Variants in OPA1 observed in about 807,000 individuals in gnomAD.
OPA1 encodes dynamin-like GTPase OPA1, mitochondrial.
Under a neutral mutation model 152.9 loss-of-function variants are expected in OPA1, and 59 were observed. The ratio of observed to expected loss-of-function variants is 0.39; its 90% confidence interval spans 0.31 to 0.48. The LOEUF (loss-of-function observed/expected upper bound fraction) is 0.48. Among genes scored for constraint, OPA1 ranks in the 20% least tolerant of loss-of-function variants. The pLI is 0.96. For synonymous variants in OPA1, 400 were observed against 389.9 expected (o/e 1.03, Z -0.31); for missense variants, 1,008 against 1,216.8 (o/e 0.83, Z 2.55).
Position 193,626,203 on chromosome 3 carries a change from G to A in OPA1, c.789+1G>A. ...GAGCTATGCCCAACAGAAGCGCAAG[G>A]TGATGGATGGTTTAAGGGGGCTACC... is the stretch of plus-strand genomic sequence containing the variant. On this transcript the variant is annotated splice_donor_variant, in intron 7 of 30. Transcript: ENST00000361510. LOFTEE classifies it high-confidence loss of function. 6.2e-7 allele frequency: 1 copy of A among 1,609,860 alleles called. No homozygotes were observed. The highest frequency in any genetic ancestry group is 1.1e-5 in the South Asian group (1 of 90,980).
At position 193,697,142 on chromosome 3, in the gene OPA1, T is replaced by A. The variant is rs1056207371; in HGVS notation, c.*2542T>A. 1 of 152,184 alleles carries A rather than the reference T, an allele frequency of 6.6e-6. No homozygotes were observed. Among genetic ancestry groups the A allele is most frequent in the East Asian group, 1.9e-4 (1 of 5,204 alleles). 9.4% of individuals were successfully genotyped at this position (152,184 alleles called of 1,614,324 possible). On this transcript the variant is annotated 3_prime_UTR_variant, in exon 31 of 31. Coordinates refer to ENST00000361510, the MANE Select transcript of OPA1 (RefSeq NM_130837.3). ...CATAGGATGAGAGTCAGAGTATAGG[T>A]TTAAAAGATAAAATCTTTAGTTAAT... is the stretch of plus-strand genomic sequence containing the variant.
chr3:193,602,522 G>C (rs1390413013), intron 1 of OPA1, among the ~76,000 whole-genome samples: 1 of 152,228 alleles, frequency 6.6e-6, no homozygotes, highest in Non-Finnish European at 1.5e-5. Flanking sequence ...GGAGAAGCAT[G>C]AGATGCTATT....
intron 21 of OPA1, among the ~76,000 whole-genome samples, chr3:193,651,060 T>G (rs1420031017): frequency 6.6e-6 from 1 of 152,008 alleles, no homozygotes; most frequent in East Asian, 1.9e-4. Context: ...GGTAGCTGTG[T>G]CCTGTGGCTT....
chr3:193,668,287 A>G lies in OPA1; in HGVS notation c.2983+1007A>G, dbSNP rs1440957271. ...GTCCTCCTATACGTAACCCAACTTGAATGAAGATATGTCCTTTTCCATTGC... is the reference window on the plus strand; with the variant it reads ...GTCCTCCTATACGTAACCCAACTTGGATGAAGATATGTCCTTTTCCATTGC... On this transcript the variant is annotated intron_variant, in intron 29 of 30. Coordinates refer to ENST00000361510, the MANE Select transcript of OPA1 (RefSeq NM_130837.3). The G allele has an allele frequency of 5.9e-6, 9 of 1,516,766 alleles. No individual in the cohort carries two copies. The East Asian group carries it at 1.5e-4, about 25-fold the overall frequency. 94.0% of individuals were successfully genotyped at this position (1,516,766 alleles called of 1,614,324 possible). A position where few individuals can be genotyped will look rare whatever the true frequency, so the allele number is the denominator to read the frequency against.
At position 193,643,503 on chromosome 3, in the gene OPA1, G is replaced by C. The variant is rs148392527; in HGVS notation, c.1378-25G>C. ...TCTTATTGTGTGAAGCATTTATAATGACATTTAAAACCTTTTTCTTTAAGA... is the reference window on the plus strand; with the variant it reads ...TCTTATTGTGTGAAGCATTTATAATCACATTTAAAACCTTTTTCTTTAAGA... On this transcript the variant is annotated intron_variant, in intron 14 of 30. Coordinates refer to ENST00000361510, the MANE Select transcript of OPA1 (RefSeq NM_130837.3). 593 of 1,609,028 alleles carry C rather than the reference G, an allele frequency of 3.7e-4. 4 individuals carry two copies. In the East Asian group the frequency reaches 0.012, roughly 32 times the overall value.
intron 25 of OPA1, among the ~76,000 whole-genome samples, chr3:193,660,804 G>T (rs1003623715): frequency 6.6e-6 from 1 of 152,060 alleles, no homozygotes; most frequent in African/African-American, 2.4e-5. Flanking sequence ...ATGTGTTCAG[G>T]GTGCGTTGGT....
At chr3:193,652,767 G>A (rs1712832755) in intron 21 of OPA1, among the ~76,000 whole-genome samples, 1 of 152,172 alleles carries the variant, frequency 6.6e-6, no homozygotes, top group Admixed American at 6.5e-5. Context: ...GGAGCAGTGG[G>A]AGTCTGAGAC....
intron 8 of OPA1, 48 bp downstream of exon 8, chr3:193,631,713 C>T (rs768309567): frequency 1.9e-5 from 29 of 1,497,428 alleles, no homozygotes; most frequent in Middle Eastern, 1.7e-4. Flanking sequence ...AAATTATATT[C>T]GAATGTAACT....
At chr3:193,619,582 A>G (rs1729666360) in intron 6 of OPA1, 1 of 152,216 alleles carries the variant, frequency 6.6e-6, no homozygotes, top group Non-Finnish European at 1.5e-5. Flanking sequence ...GTTTGTATTT[A>G]TAATACTCAT....
intron 9 of OPA1, 105 bp from the exon 10 acceptor site, chr3:193,637,090 A>G: frequency 1.1e-5 from 7 of 627,130 alleles, no homozygotes; most frequent in African/African-American, 1.8e-5. Context: ...TACAATGATT[A>G]TGGAAAAACA....
chr3:193,622,608 A>G (rs759231503), intron 6 of OPA1, among the ~76,000 whole-genome samples: 2 of 152,092 alleles, frequency 1.3e-5, no homozygotes. Context: ...GTGTTCACTC[A>G]TCTTTATAGC....
intron 6 of OPA1, among the ~76,000 whole-genome samples, chr3:193,620,074 A>G (rs1219410858): frequency 1.3e-5 from 2 of 151,466 alleles, no homozygotes; most frequent in East Asian, 1.9e-4. Flanking sequence ...CTACTGGGGG[A>G]AAAAAAAATA....
chr3:193,601,795 G>A (rs1000213579), intron 1 of OPA1, among the ~76,000 whole-genome samples: 9 of 152,182 alleles, frequency 5.9e-5, no homozygotes, highest in African/African-American at 2.2e-4. Flanking sequence ...TTTTTAGTGA[G>A]TGTAGGAAAG....
At chr3:193,623,003 G>A (rs1730430946) in intron 6 of OPA1, among the ~76,000 whole-genome samples, 1 of 152,156 alleles carries the variant, frequency 6.6e-6, no homozygotes, top group Non-Finnish European at 1.5e-5. Flanking sequence ...TTCTGAATTG[G>A]AATTAAGCAG....
intron 18 of OPA1, 114 bp downstream of exon 18, chr3:193,645,914 A>G (rs1217510847): frequency 1.1e-6 from 1 of 887,084 alleles, no homozygotes; most frequent in African/African-American, 1.7e-5. Context: ...TCGGATTTCT[A>G]GAATTTTTCC....
chr3:193,669,743 A>G (rs1717504260), intron 29 of OPA1, among the ~76,000 whole-genome samples: 1 of 152,238 alleles, frequency 6.6e-6, no homozygotes, highest in African/African-American at 2.4e-5. Context: ...TTGGAAAATC[A>G]TAAGTATCTT....
chr3:193,655,383 A>G (rs545466419), intron 22 of OPA1, among the ~76,000 whole-genome samples: 24 of 152,350 alleles, frequency 1.6e-4, no homozygotes, highest in African/African-American at 5.3e-4. Flanking sequence ...GAGATTCCAT[A>G]AAGAAAATAC....
In OPA1 at chr3:193,659,008, AC is replaced by A. The variant is rs1162551537; in HGVS notation, c.2440+14del. 3.2e-6 allele frequency: 5 copies of A among 1,557,618 alleles called. No homozygotes were observed. The highest frequency in any genetic ancestry group is 1.7e-5 in the Admixed American group (1 of 59,938). ...CGTCTCAAGGATAGTAAGTGGAGACACGGCTTATTGAGTTCTGAGTTCACAG... is the reference window on the plus strand; with the variant it reads ...CGTCTCAAGGATAGTAAGTGGAGACAGGCTTATTGAGTTCTGAGTTCACAG... On this transcript the variant is annotated intron_variant, in intron 24 of 30. Coordinates refer to ENST00000361510, the MANE Select transcript of OPA1 (RefSeq NM_130837.3).
chr3:193,614,793 C>T lies in OPA1; in HGVS notation c.103C>T (p.Leu35=). 6.2e-7 allele frequency: 1 copy of T among 1,613,906 alleles called. No individual in the cohort carries two copies. Among genetic ancestry groups the T allele is most frequent in the Non-Finnish European group, 8.5e-7 (1 of 1,179,766 alleles). Residue 35 remains leucine (L), a synonymous_variant, in exon 2 of 31, where the codon CTG becomes TTG. Coordinates refer to ENST00000361510, the MANE Select transcript of OPA1 (RefSeq NM_130837.3). ...AAGTTTACCACTACAAAAACTACAT[C>T]TGGTTTCACGAAGCATTTATCATTC... ...KGSLPLQKLH[L]VSRSIYHSHH...
Sources: gnomAD v4.1 joint callset for allele counts (sites outside exome capture counted in the v4.1 genomes callset) on GRCh38, gnomAD v4.1.1 for gene constraint, MANE v1.5 for transcripts, NCBI Gene and HGNC (gene_info 2026-07-23, HGNC 2026-07-21) for gene names.